Variants in SH3BGRL2 observed in about 807,000 individuals in gnomAD.
SH3BGRL2 encodes SH3 domain-binding glutamic acid-rich-like protein 2.
SH3BGRL2 carries 21 observed loss-of-function variants against 14.8 expected under a neutral mutation model. The observed-to-expected ratio is 1.42, with a 90% CI of 1.01 to 2.05. SH3BGRL2 has a LOEUF of 2.05. Ranked by LOEUF, SH3BGRL2 falls within the 30% of genes most tolerant of loss-of-function variation. SH3BGRL2 has a pLI of 0.00. For missense variants in SH3BGRL2, 147 were observed against 130.8 expected (o/e 1.12, Z -0.61); for synonymous variants, 50 against 47.8 (o/e 1.05, Z -0.19).
chr6:79,547,957 C>T, the SH3BGRL2 span, among the ~76,000 whole-genome samples: 2 of 152,098 alleles, frequency 1.3e-5, no homozygotes, highest in Non-Finnish European at 2.9e-5. Flanking sequence ...CCTTAACTTC[C>T]TAGGCTCAAG....
At chr6:79,679,421 G>A (rs1292671287) in intron 2 of SH3BGRL2, among the ~76,000 whole-genome samples, 4 of 150,226 alleles carry the variant, frequency 2.7e-5, no homozygotes, top group African/African-American at 4.9e-5. Context: ...CTTCTTTTGA[G>A]AAGTGTCTGT....
intron 1 of SH3BGRL2, among the ~76,000 whole-genome samples, chr6:79,671,124 TA>T (rs887087063): frequency 7.5e-4 from 111 of 148,432 alleles, no homozygotes; most frequent in African/African-American, 2.5e-3. Flanking sequence ...GGTGTTTAAG[TA>T]AAAAAAAAAC....
chr6:79,647,748 T>A (rs1769172402), intron 1 of SH3BGRL2, among the ~76,000 whole-genome samples: 2 of 152,152 alleles, frequency 1.3e-5, no homozygotes, highest in African/African-American at 2.4e-5. Flanking sequence ...TTTAAGATTC[T>A]AAAAAATTTT....
At chr6:79,578,934 A>G in the SH3BGRL2 span, among the ~76,000 whole-genome samples, 1 of 152,258 alleles carries the variant, frequency 6.6e-6, no homozygotes, top group South Asian at 2.1e-4. Flanking sequence ...TAACTAGAAT[A>G]AACAGTGTAG....
At chr6:79,605,009 G>A in the SH3BGRL2 span, among the ~76,000 whole-genome samples, 1 of 152,204 alleles carries the variant, frequency 6.6e-6, no homozygotes, top group Admixed American at 6.5e-5. Context: ...TTTGCCACTT[G>A]TCTCCTTAAA....
At chr6:79,625,237 C>CATATAT in the SH3BGRL2 span, among the ~76,000 whole-genome samples, 8 of 150,422 alleles carry the variant, frequency 5.3e-5, no homozygotes, top group Admixed American at 3.3e-4. Flanking sequence ...TATATATACA[C>CATATAT]ATATATATAT....
Position 79,701,977 on chromosome 6 carries a change from T to C in SH3BGRL2, c.*2468T>C, listed in dbSNP as rs957638459. 3 of 152,662 alleles carry C rather than the reference T, an allele frequency of 2.0e-5. No individual in the cohort carries two copies. The highest frequency in any genetic ancestry group is 1.3e-4 in the Admixed American group (2 of 15,276). The allele number at this position is 152,662 out of a possible 1,614,324, so 9.5% of individuals were successfully genotyped here. A position where few individuals can be genotyped will look rare whatever the true frequency, so the allele number is the denominator to read the frequency against. ...TTTTTATTTCCTGTAGTAGGCTTGC[T>C]GGAGCAAAGGAAATGTGCTGCTAAA... On this transcript the variant is annotated 3_prime_UTR_variant, in exon 4 of 4. Coordinates refer to ENST00000369838, the MANE Select transcript of SH3BGRL2 (RefSeq NM_031469.4).
chr6:79,542,548 C>T, the SH3BGRL2 span, among the ~76,000 whole-genome samples: 13,598 of 152,168 alleles, frequency 0.089, 1,416 homozygotes, highest in East Asian at 0.55. Context: ...GGATTACAGG[C>T]GTGAGCCACC....
the SH3BGRL2 span, among the ~76,000 whole-genome samples, chr6:79,553,945 G>A: frequency 6.6e-6 from 1 of 150,584 alleles, no homozygotes; most frequent in African/African-American, 2.5e-5. Context: ...TCCAGCCTGG[G>A]TGACAGGGCG....
At chr6:79,674,572 G>A (rs1179466411) in intron 2 of SH3BGRL2, among the ~76,000 whole-genome samples, 4 of 152,192 alleles carry the variant, frequency 2.6e-5, no homozygotes, top group Admixed American at 2.6e-4. Flanking sequence ...GTCTAAAGAA[G>A]AAGGAGCCAC....
At chr6:79,551,962 G>C in the SH3BGRL2 span, among the ~76,000 whole-genome samples, 156 of 152,264 alleles carry the variant, frequency 1.0e-3, no homozygotes, top group African/African-American at 3.7e-3. Context: ...GTGGTGGTGG[G>C]CACCTGTATT....
At chr6:79,564,920 T>G in the SH3BGRL2 span, among the ~76,000 whole-genome samples, 1 of 152,136 alleles carries the variant, frequency 6.6e-6, no homozygotes, top group African/African-American at 2.4e-5. Flanking sequence ...TGGATAAGCT[T>G]TTTTCTCTAT....
the SH3BGRL2 span, among the ~76,000 whole-genome samples, chr6:79,558,349 C>T: frequency 6.6e-6 from 1 of 152,108 alleles, no homozygotes; most frequent in South Asian, 2.1e-4. Flanking sequence ...ATGTTGTATA[C>T]ATTGGATAGC....
intron 2 of SH3BGRL2, among the ~76,000 whole-genome samples, chr6:79,694,815 T>G (rs1424376628): frequency 6.6e-6 from 1 of 152,186 alleles, no homozygotes; most frequent in Non-Finnish European, 1.5e-5. Flanking sequence ...GCCTGTCTGC[T>G]GCCCTCTGCC....
At chr6:79,669,536 C>T (rs1428901732) in intron 1 of SH3BGRL2, among the ~76,000 whole-genome samples, 2 of 148,282 alleles carry the variant, frequency 1.3e-5, no homozygotes, top group Non-Finnish European at 3.0e-5. Context: ...CTTACTGCAA[C>T]CAGGTTCAAG....
chr6:79,695,120 C>T (rs1339292273), intron 2 of SH3BGRL2, among the ~76,000 whole-genome samples: 3 of 152,178 alleles, frequency 2.0e-5, no homozygotes, highest in African/African-American at 7.2e-5. Context: ...CAAGAATGCT[C>T]CCATCCCAGT....
the SH3BGRL2 span, among the ~76,000 whole-genome samples, chr6:79,551,257 A>AT: frequency 1.1e-4 from 16 of 152,198 alleles, no homozygotes; most frequent in Non-Finnish European, 2.2e-4. Context: ...ATTGAATTAT[A>AT]AAACCTCACT....
intron 1 of SH3BGRL2, among the ~76,000 whole-genome samples, chr6:79,636,256 G>A (rs958793785): frequency 1.1e-4 from 16 of 152,216 alleles, no homozygotes; most frequent in Admixed American, 7.9e-4. Context: ...AGCTGCTAGA[G>A]TAGAAGTTCT....
chr6:79,608,639 A>G, the SH3BGRL2 span, among the ~76,000 whole-genome samples: 1 of 152,212 alleles, frequency 6.6e-6, no homozygotes, highest in Non-Finnish European at 1.5e-5. Flanking sequence ...AAAGATTCCT[A>G]GAATGCCTCA....
Sources: allele counts gnomAD v4.1 joint callset (sites outside exome capture counted in the v4.1 genomes callset), GRCh38; gene constraint gnomAD v4.1.1; transcripts MANE v1.5; gene names NCBI Gene and HGNC (gene_info 2026-07-23, HGNC 2026-07-21).